Variants in SAXO1 observed in about 807,000 individuals in gnomAD.
The protein encoded by SAXO1 is 4930500O09Rik.
SAXO1 carries 21 observed loss-of-function variants against 17.5 expected under a neutral mutation model. The observed-to-expected ratio is 1.20, with a 90% CI of 0.85 to 1.72. The LOEUF is 1.72. Ranked by LOEUF, SAXO1 falls within the 40% of genes most tolerant of loss-of-function variation. The pLI, the probability that SAXO1 is intolerant of heterozygous loss-of-function variation, is 0.00. For synonymous variants in SAXO1, 274 were observed against 216.5 expected (o/e 1.27, Z -2.33); for missense variants, 843 against 596.0 (o/e 1.41, Z -4.32).
intron 3 of SAXO1, among the ~76,000 whole-genome samples, chr9:18,932,528 T>C (rs916800363): frequency 2.0e-5 from 3 of 152,236 alleles, no homozygotes; most frequent in Admixed American, 6.5e-5. Flanking sequence ...TTGGATTTCA[T>C]ATATAAAACC....
chr9:19,003,939 C>T (rs1410378254), intron 1 of SAXO1, among the ~76,000 whole-genome samples: 1 of 152,092 alleles, frequency 6.6e-6, no homozygotes, highest in African/African-American at 2.4e-5. Flanking sequence ...AAAGAAACTA[C>T]CATCACAGTT....
At chr9:18,945,315 T>C (rs1251373598) in intron 2 of SAXO1, among the ~76,000 whole-genome samples, 2 of 152,210 alleles carry the variant, frequency 1.3e-5, no homozygotes, top group African/African-American at 4.8e-5. Flanking sequence ...TGGTTGTTCA[T>C]AGCATCCATC....
chr9:18,933,783 A>T (rs899123603), intron 3 of SAXO1, among the ~76,000 whole-genome samples: 2 of 152,210 alleles, frequency 1.3e-5, no homozygotes, highest in Admixed American at 1.3e-4. Context: ...ACGGTGGCTC[A>T]CGCCTGTAAT....
At chr9:18,991,083 C>A (rs955981351) in intron 1 of SAXO1, among the ~76,000 whole-genome samples, 1 of 152,110 alleles carries the variant, frequency 6.6e-6, no homozygotes, top group Non-Finnish European at 1.5e-5. Context: ...CATAGTGAAA[C>A]CCTGTCTCTA....
chr9:18,931,588 C>A (rs906665471), intron 3 of SAXO1, among the ~76,000 whole-genome samples: 1 of 152,144 alleles, frequency 6.6e-6, no homozygotes, highest in Non-Finnish European at 1.5e-5. Context: ...AAGATACTGC[C>A]AAATGTTCTC....
At chr9:18,939,967 T>A (rs1325298435) in intron 3 of SAXO1, among the ~76,000 whole-genome samples, 1 of 152,160 alleles carries the variant, frequency 6.6e-6, no homozygotes, top group African/African-American at 2.4e-5. Flanking sequence ...TGCTCAGGTG[T>A]GTGCCCAGGT....
intron 1 of SAXO1, among the ~76,000 whole-genome samples, chr9:19,019,405 C>G (rs535147178): frequency 6.6e-6 from 1 of 152,162 alleles, no homozygotes; most frequent in East Asian, 1.9e-4. Flanking sequence ...TAGCATCTCA[C>G]AGACACACAC....
intron 2 of SAXO1, among the ~76,000 whole-genome samples, chr9:18,946,265 A>G (rs1355732564): frequency 1.4e-5 from 2 of 145,600 alleles, no homozygotes; most frequent in Admixed American, 6.8e-5. Context: ...AACAAGAGCA[A>G]AACTTCATCT....
intron 3 of SAXO1, among the ~76,000 whole-genome samples, chr9:18,938,804 G>T (rs1419009160): frequency 2.0e-5 from 3 of 150,412 alleles, no homozygotes; most frequent in Non-Finnish European, 3.0e-5. Flanking sequence ...GGGTGTGGTG[G>T]GGTGCATGCG....
intron 1 of SAXO1, among the ~76,000 whole-genome samples, chr9:19,018,101 G>A (rs1835065706): frequency 1.3e-5 from 2 of 151,790 alleles, no homozygotes; most frequent in African/African-American, 4.8e-5. Context: ...CTGAGAGTTT[G>A]AGGTTGCTGT....
chr9:18,945,320 T>C (rs533670761), intron 2 of SAXO1, among the ~76,000 whole-genome samples: 35 of 152,280 alleles, frequency 2.3e-4, no homozygotes, highest in African/African-American at 7.0e-4. Context: ...GTTCATAGCA[T>C]CCATCCTCTC....
At chr9:18,956,037 C>G (rs1196065585) in intron 1 of SAXO1, among the ~76,000 whole-genome samples, 1 of 151,648 alleles carries the variant, frequency 6.6e-6, no homozygotes, top group African/African-American at 2.4e-5. Flanking sequence ...AATTCCTGGG[C>G]TCAAGCAATC....
chr9:19,025,107 C>G (rs1321866881), intron 1 of SAXO1, among the ~76,000 whole-genome samples: 2 of 152,064 alleles, frequency 1.3e-5, no homozygotes, highest in Non-Finnish European at 2.9e-5. Flanking sequence ...CCAAAAAAGG[C>G]CATTTTTAAG....
intron 1 of SAXO1, among the ~76,000 whole-genome samples, chr9:19,022,222 T>A (rs906504960): frequency 6.6e-6 from 1 of 152,166 alleles, no homozygotes; most frequent in African/African-American, 2.4e-5. Flanking sequence ...CTCCACTCCT[T>A]AAGTCAGAGA....
chr9:19,031,117 A>T (rs1372828154), intron 1 of SAXO1, among the ~76,000 whole-genome samples: 3 of 152,218 alleles, frequency 2.0e-5, no homozygotes, highest in African/African-American at 7.2e-5. Flanking sequence ...GGCAGGAGGG[A>T]GACTTCTCAC....
At chr9:18,949,759 A>C (rs752596089) in intron 2 of SAXO1, among the ~76,000 whole-genome samples, 5 of 152,230 alleles carry the variant, frequency 3.3e-5, no homozygotes, top group Non-Finnish European at 7.3e-5. Context: ...CACCTAGACC[A>C]TCTGGGACCT....
chr9:19,011,971 A>G (rs7048396), intron 1 of SAXO1, among the ~76,000 whole-genome samples: 83,558 of 150,938 alleles, frequency 0.55, 23,619 homozygotes, highest in Non-Finnish European at 0.63. Flanking sequence ...TCAGCCTCCC[A>G]AGTAGCTGGG....
At chr9:18,938,458 AGGTGGGGAGGT>A (rs952249013) in intron 3 of SAXO1, among the ~76,000 whole-genome samples, 11 of 152,082 alleles carry the variant, frequency 7.2e-5, no homozygotes, top group African/African-American at 2.7e-4. Context: ...GCGAGTCGGG[AGGTGGGGAGGT>A]GCCAAACGCT....
chr9:19,032,851 C>G lies in SAXO1; in HGVS notation c.38+20G>C. The G allele has an allele frequency of 1.2e-6, 2 of 1,609,166 alleles. No homozygotes were observed. Among genetic ancestry groups the G allele is most frequent in the Non-Finnish European group, 1.7e-6 (2 of 1,179,370 alleles). ...AAAACCCAGGCTCCCCCAGCCTTGC[C>G]CTGGGCGTGGCCACCTTACCCGCAG... On this transcript the variant is annotated intron_variant, in intron 1 of 3. Transcript: ENST00000380534.
Sources: allele counts gnomAD v4.1 joint callset (sites outside exome capture counted in the v4.1 genomes callset), GRCh38; gene constraint gnomAD v4.1.1; transcripts MANE v1.5; gene names NCBI Gene and HGNC (gene_info 2026-07-23, HGNC 2026-07-21).